Variants in STX8 observed in about 807,000 individuals in gnomAD.
STX8 encodes syntaxin-8.
Under a neutral mutation model 37.5 loss-of-function variants are expected in STX8, and 23 were observed. That is an observed-to-expected ratio of 0.61 (90% CI 0.44 to 0.87). The LOEUF is 0.87. Ranked by LOEUF, STX8 falls within the 40% of genes least tolerant of loss-of-function variation. The probability of loss-of-function intolerance (pLI) is 0.00; values close to 1 mark genes in which losing one functional copy is unlikely to be tolerated. For missense variants in STX8, 313 were observed against 284.7 expected, an observed-to-expected ratio of 1.10 and a Z score of -0.71; for synonymous variants, 115 against 99.1, an observed-to-expected ratio of 1.16 and a Z score of -0.95.
At chr17:9,571,578 G>C (rs1400723679) in intron 1 of STX8, among the ~76,000 whole-genome samples, 4 of 141,538 alleles carry the variant, frequency 2.8e-5, no homozygotes, top group Non-Finnish European at 6.1e-5. Context: ...CAGCCTGGGG[G>C]ACAAGAGCAA....
At chr17:9,344,258 C>CTTTTT (rs200606281) in intron 7 of STX8, among the ~76,000 whole-genome samples, 1 of 145,956 alleles carries the variant, frequency 6.9e-6, no homozygotes, top group African/African-American at 2.6e-5. Context: ...TGATACTAAA[C>CTTTTT]TTTTTTTTTT....
At chr17:9,376,499 G>A (rs997915340) in intron 7 of STX8, among the ~76,000 whole-genome samples, 1 of 152,214 alleles carries the variant, frequency 6.6e-6, no homozygotes, top group Non-Finnish European at 1.5e-5. Flanking sequence ...CCAATCAGCA[G>A]GACATGGGCG....
chr17:9,452,008 A>C (rs565197108), intron 6 of STX8, among the ~76,000 whole-genome samples: 119 of 152,320 alleles, frequency 7.8e-4, no homozygotes, highest in African/African-American at 2.8e-3. Flanking sequence ...TCTTAATATA[A>C]AGTGCATGAA....
At chr17:9,410,885 A>G (rs1388982129) in intron 6 of STX8, among the ~76,000 whole-genome samples, 2 of 152,228 alleles carry the variant, frequency 1.3e-5, no homozygotes, top group African/African-American at 4.8e-5. Context: ...AATGATTACA[A>G]AGCAAAACCA....
intron 6 of STX8, among the ~76,000 whole-genome samples, chr17:9,480,492 G>A (rs894921285): frequency 1.3e-5 from 2 of 152,198 alleles, no homozygotes; most frequent in Admixed American, 1.3e-4. Context: ...TGCTGCCACT[G>A]CTGCTGATTT....
intron 7 of STX8, among the ~76,000 whole-genome samples, chr17:9,356,960 G>GT (rs140965935): frequency 0.15 from 9,391 of 61,730 alleles, 1,448 homozygotes; most frequent in South Asian, 0.31. Context: ...CCTTTTAACA[G>GT]TTTTTTTTTT....
chr17:9,436,324 GCA>G (rs1904431573), intron 6 of STX8, among the ~76,000 whole-genome samples: 2 of 147,368 alleles, frequency 1.4e-5, no homozygotes, highest in Non-Finnish European at 3.0e-5. Context: ...CAGCTTGGGC[GCA>G]ACAGAGCAAG....
At chr17:9,272,097 T>TC (rs907899240) in intron 7 of STX8, among the ~76,000 whole-genome samples, 2 of 152,106 alleles carry the variant, frequency 1.3e-5, no homozygotes, top group Non-Finnish European at 2.9e-5. Flanking sequence ...CACGCCAATA[T>TC]CCCTCAGCCT....
intron 7 of STX8, among the ~76,000 whole-genome samples, chr17:9,333,605 G>A (rs1247411965): frequency 6.6e-6 from 1 of 152,110 alleles, no homozygotes; most frequent in Non-Finnish European, 1.5e-5. Flanking sequence ...TAGCCAGGAT[G>A]GTCTGGATCT....
At chr17:9,539,121 C>T (rs1017134688) in intron 4 of STX8, among the ~76,000 whole-genome samples, 1 of 152,158 alleles carries the variant, frequency 6.6e-6, no homozygotes, top group Admixed American at 6.6e-5. Flanking sequence ...TAAGGTAAAA[C>T]TAAGATTCTG....
chr17:9,418,351 G>T (rs1287665898), intron 6 of STX8, among the ~76,000 whole-genome samples: 1 of 152,078 alleles, frequency 6.6e-6, no homozygotes, highest in African/African-American at 2.4e-5. Flanking sequence ...ATTCTAATAG[G>T]CAGTGAAAGT....
intron 7 of STX8, among the ~76,000 whole-genome samples, chr17:9,345,342 G>A (rs1194688585): frequency 6.6e-6 from 1 of 151,970 alleles, no homozygotes; most frequent in Admixed American, 6.6e-5. Flanking sequence ...TAGAGACAGG[G>A]TTTCACCACA....
At chr17:9,498,971 ATCT>A in intron 5 of STX8, among the ~76,000 whole-genome samples, 1 of 152,194 alleles carries the variant, frequency 6.6e-6, no homozygotes, top group African/African-American at 2.4e-5. Context: ...TCACCCACCC[ATCT>A]TCTGCCTAAT....
At chr17:9,296,365 G>A (rs1908540507) in intron 7 of STX8, among the ~76,000 whole-genome samples, 1 of 152,100 alleles carries the variant, frequency 6.6e-6, no homozygotes, top group Non-Finnish European at 1.5e-5. Flanking sequence ...AGGCGTGGTG[G>A]TGCGTGCCTG....
chr17:9,491,364 T>C (rs551673327), intron 6 of STX8, among the ~76,000 whole-genome samples: 105 of 152,226 alleles, frequency 6.9e-4, no homozygotes, highest in Admixed American at 1.6e-3. Context: ...TGCTTGCAGT[T>C]TGCAAATTCA....
At chr17:9,407,771 T>A (rs1912850314) in intron 6 of STX8, among the ~76,000 whole-genome samples, 1 of 152,192 alleles carries the variant, frequency 6.6e-6, no homozygotes, top group Admixed American at 6.5e-5. Flanking sequence ...GACCTGGGAT[T>A]GATAGACAGC....
chr17:9,331,156 GGTTTA>G (rs1909950328), intron 7 of STX8, among the ~76,000 whole-genome samples: 1 of 152,112 alleles, frequency 6.6e-6, no homozygotes. Context: ...CTCTTTAACT[GGTTTA>G]GTCTCATTAC....
At chr17:9,557,992 A>G (rs754074425) in intron 2 of STX8, among the ~76,000 whole-genome samples, 2 of 152,252 alleles carry the variant, frequency 1.3e-5, no homozygotes, top group Non-Finnish European at 2.9e-5. Flanking sequence ...GGCTCTCTGA[A>G]CAACTGGTAA....
intron 4 of STX8, among the ~76,000 whole-genome samples, chr17:9,531,889 G>C (rs193165573): frequency 5.2e-4 from 79 of 151,848 alleles, no homozygotes; most frequent in African/African-American, 1.7e-3. Flanking sequence ...TTGTTGTCTA[G>C]CTTTTAAAAC....
Sources: allele counts gnomAD v4.1 joint callset (sites outside exome capture counted in the v4.1 genomes callset), GRCh38; gene constraint gnomAD v4.1.1; transcripts MANE v1.5; gene names NCBI Gene and HGNC (gene_info 2026-07-23, HGNC 2026-07-21).